Variants in EPHB1 observed in about 807,000 individuals in gnomAD.
EPHB1 encodes the protein EPH receptor B1, also known as ephrin type-B receptor 1.
A neutral mutation model predicts 94.4 loss-of-function variants in EPHB1; 30 were observed. The observed-to-expected ratio is 0.32, with a 90% CI of 0.24 to 0.43. EPHB1 has a LOEUF of 0.43. EPHB1 is among the 20% of genes least tolerant of loss of function. The probability of loss-of-function intolerance (pLI) is 1.00; values close to 1 mark genes in which losing one functional copy is unlikely to be tolerated. For missense variants in EPHB1, 1,055 were observed against 1,308.3 expected, an observed-to-expected ratio of 0.81 and a Z score of 2.99; for synonymous variants, 522 against 489.1, an observed-to-expected ratio of 1.07 and a Z score of -0.89.
intron 13 of EPHB1, 90 bp downstream of exon 13, chr3:135,241,387 C>T (rs537092538): frequency 1.8e-5 from 27 of 1,522,126 alleles, no homozygotes; most frequent in African/African-American, 2.7e-5. Context: ...TTTCAGCTCA[C>T]GGCCTCATAA....
intron 4 of EPHB1, among the ~76,000 whole-genome samples, chr3:135,129,612 C>T (rs950239343): frequency 1.4e-4 from 21 of 152,114 alleles, no homozygotes; most frequent in East Asian, 5.8e-4. Flanking sequence ...GACAACTGCC[C>T]CTGTCTACCA....
At chr3:135,140,377 T>C (rs1940777225) in intron 5 of EPHB1, among the ~76,000 whole-genome samples, 1 of 152,216 alleles carries the variant, frequency 6.6e-6, no homozygotes, top group African/African-American at 2.4e-5. Flanking sequence ...TGTTGACTAT[T>C]GTGTCCAGAT....
chr3:134,950,172 A>G (rs759859554), intron 2 of EPHB1, among the ~76,000 whole-genome samples: 18 of 152,202 alleles, frequency 1.2e-4, no homozygotes, highest in Non-Finnish European at 2.2e-4. Context: ...CACTTAATAC[A>G]TGTGTTGTTC....
At chr3:135,237,070 A>G (rs6806284) in intron 12 of EPHB1, among the ~76,000 whole-genome samples, 41,802 of 151,974 alleles carry the variant, frequency 0.28, 6,186 homozygotes, top group Non-Finnish European at 0.33. Flanking sequence ...TGTCCCCAGC[A>G]GGGTACTGAG....
At chr3:135,072,689 G>T (rs562073418) in intron 3 of EPHB1, among the ~76,000 whole-genome samples, 10 of 152,262 alleles carry the variant, frequency 6.6e-5, no homozygotes, top group African/African-American at 2.2e-4. Flanking sequence ...TTTGTGGCTG[G>T]CTCTGACCTT....
At chr3:135,130,797 G>A (rs1940389304) in intron 4 of EPHB1, among the ~76,000 whole-genome samples, 1 of 152,182 alleles carries the variant, frequency 6.6e-6, no homozygotes, top group Non-Finnish European at 1.5e-5. Flanking sequence ...CCCACACCTA[G>A]TATAAAGCAA....
chr3:134,933,005 G>T (rs2038933791), intron 2 of EPHB1, among the ~76,000 whole-genome samples: 1 of 152,164 alleles, frequency 6.6e-6, no homozygotes, highest in Admixed American at 6.5e-5. Flanking sequence ...TTTAGTATCT[G>T]TCATGACTTT....
chr3:135,059,073 G>A (rs550791468), intron 3 of EPHB1, among the ~76,000 whole-genome samples: 84 of 152,268 alleles, frequency 5.5e-4, no homozygotes, highest in African/African-American at 1.9e-3. Flanking sequence ...AATCATATCA[G>A]CAAATATTTC....
intron 1 of EPHB1, among the ~76,000 whole-genome samples, chr3:134,862,993 T>C (rs1319923834): frequency 6.6e-6 from 1 of 152,180 alleles, no homozygotes; most frequent in East Asian, 1.9e-4. Context: ...GTGTGTGGCT[T>C]TGCTACAGGG....
intron 13 of EPHB1, 109 bp from the exon 14 acceptor site, chr3:135,248,207 G>A (rs887358753): frequency 5.7e-6 from 6 of 1,051,504 alleles, no homozygotes; most frequent in Non-Finnish European, 8.1e-6. Flanking sequence ...CAGAGCAAGG[G>A]CATCTGAGAC....
intron 4 of EPHB1, among the ~76,000 whole-genome samples, chr3:135,106,930 C>T (rs556592875): frequency 6.6e-6 from 1 of 152,182 alleles, no homozygotes; most frequent in African/African-American, 2.4e-5. Context: ...TTATCACTTC[C>T]TCCAAGAAGT....
At chr3:135,068,160 G>T (rs1421286952) in intron 3 of EPHB1, among the ~76,000 whole-genome samples, 1 of 152,134 alleles carries the variant, frequency 6.6e-6, no homozygotes, top group Non-Finnish European at 1.5e-5. Context: ...TAAAATTCAT[G>T]ATGCAAGCCT....
At chr3:134,849,268 C>G (rs1217172208) in intron 1 of EPHB1, among the ~76,000 whole-genome samples, 1 of 152,194 alleles carries the variant, frequency 6.6e-6, no homozygotes, top group Non-Finnish European at 1.5e-5. Flanking sequence ...GCCTGAAGAA[C>G]AGCATTCTGA....
chr3:135,120,897 T>C (rs986866823), intron 4 of EPHB1, among the ~76,000 whole-genome samples: 8 of 152,210 alleles, frequency 5.3e-5, no homozygotes, highest in African/African-American at 1.2e-4. Context: ...TTAATCATTT[T>C]TGATGGACTG....
intron 4 of EPHB1, among the ~76,000 whole-genome samples, chr3:135,109,756 C>T (rs1407488296): frequency 6.6e-6 from 1 of 152,250 alleles, no homozygotes; most frequent in East Asian, 1.9e-4. Context: ...GAGGCACAGG[C>T]AGAGCTTCTG....
intron 12 of EPHB1, among the ~76,000 whole-genome samples, chr3:135,203,510 C>A (rs377434819): frequency 6.6e-6 from 1 of 152,042 alleles, no homozygotes; most frequent in East Asian, 1.9e-4. Flanking sequence ...CTAGGCTTTG[C>A]CGGCTAAGAG....
chr3:135,031,569 C>G (rs1367316581), intron 3 of EPHB1, among the ~76,000 whole-genome samples: 1 of 152,224 alleles, frequency 6.6e-6, no homozygotes, highest in African/African-American at 2.4e-5. Flanking sequence ...CTGGATCTCC[C>G]AAATTGCCGG....
intron 3 of EPHB1, among the ~76,000 whole-genome samples, chr3:134,954,902 C>A (rs1044760740): frequency 2.0e-5 from 3 of 152,006 alleles, no homozygotes; most frequent in African/African-American, 7.2e-5. Flanking sequence ...AAAGAGTGGT[C>A]CTGGCCTAGA....
intron 3 of EPHB1, among the ~76,000 whole-genome samples, chr3:135,040,212 C>T (rs1282166345): frequency 2.0e-5 from 3 of 152,218 alleles, no homozygotes; most frequent in Admixed American, 1.3e-4. Context: ...CTTGATTCCA[C>T]CATCCATATC....
Sources: allele counts gnomAD v4.1 joint callset (sites outside exome capture counted in the v4.1 genomes callset), GRCh38; gene constraint gnomAD v4.1.1; transcripts MANE v1.5; gene names NCBI Gene and HGNC (gene_info 2026-07-23, HGNC 2026-07-21).